UGT1A8: variants seen among roughly 807,000 people sequenced by gnomAD.
UGT1A8 encodes the protein UDP glucuronosyltransferase family 1 member A8.
UGT1A8 carries 39 observed loss-of-function variants against 45.3 expected under a neutral mutation model. That is an observed-to-expected ratio of 0.86 (90% CI 0.67 to 1.12). The LOEUF (loss-of-function observed/expected upper bound fraction) is 1.12, where lower values mean the gene tolerates loss of function less well. Among genes scored for constraint, UGT1A8 ranks in the 50% most tolerant of loss-of-function variants. UGT1A8 has a pLI of 0.00. For synonymous variants in UGT1A8, 275 were observed against 249.2 expected, an observed-to-expected ratio of 1.10 and a Z score of -0.97; for missense variants, 719 against 664.9, an observed-to-expected ratio of 1.08 and a Z score of -0.90.
At chr2:233,668,094 T>G (rs1368523655) in intron 1 of UGT1A8, among the ~76,000 whole-genome samples, 2 of 152,120 alleles carry the variant, frequency 1.3e-5, no homozygotes, top group Non-Finnish European at 2.9e-5. Context: ...CTAGGGTACA[T>G]GTGCACAACA....
intron 1 of UGT1A8, among the ~76,000 whole-genome samples, chr2:233,703,210 TAA>T (rs1353895026): frequency 1.3e-5 from 2 of 152,198 alleles, no homozygotes; most frequent in African/African-American, 4.8e-5. Flanking sequence ...CAATTTTATC[TAA>T]GTTATCTAAT....
chr2:233,691,085 A>G, intron 1 of UGT1A8: 1 of 986,138 alleles, frequency 1.0e-6, no homozygotes, highest in Non-Finnish European at 1.2e-6. Context: ...AGTTTGTAGC[A>G]TCTCTTGATC....
Position 233,618,168 on chromosome 2 carries a change from G to A in UGT1A8, c.461G>A (p.Gly154Asp). 1 of 1,613,976 alleles carries A rather than the reference G, an allele frequency of 6.2e-7. No homozygotes were observed. Among genetic ancestry groups the A allele is most frequent in the East Asian group, 2.2e-5 (1 of 44,868 alleles). The change falls in exon 1 of 5, where the codon GGC becomes GAC. Residue 154 changes from glycine (G) to aspartate (D), a missense_variant. Coordinates refer to ENST00000373450, the MANE Select transcript of UGT1A8 (RefSeq NM_019076.5). ...AVFLDPFDACGLIVAKYFSLP... is the reference protein window; with the variant it reads ...AVFLDPFDACDLIVAKYFSLP... ...TTTCTTGATCCTTTTGATGCCTGTG[G>A]CTTAATTGTTGCCAAATATTTCTCC...
chr2:233,715,390 T>C (rs1242817087), intron 1 of UGT1A8, among the ~76,000 whole-genome samples: 1 of 152,222 alleles, frequency 6.6e-6, no homozygotes, highest in African/African-American at 2.4e-5. Flanking sequence ...GCTGTTATCA[T>C]TAAATAATAA....
chr2:233,757,875 A>G (rs776201583), intron 1 of UGT1A8, among the ~76,000 whole-genome samples: 1 of 152,028 alleles, frequency 6.6e-6, no homozygotes, highest in Non-Finnish European at 1.5e-5. Flanking sequence ...AGTAGCTTCA[A>G]AAGGGTTCCA....
In UGT1A8 at chr2:233,617,784, G is replaced by T; in HGVS notation, c.77G>T (p.Gly26Val). 1 of 1,614,088 alleles carries T rather than the reference G, an allele frequency of 6.2e-7. No individual in the cohort carries two copies. The highest frequency in any genetic ancestry group is 8.5e-7 in the Non-Finnish European group (1 of 1,180,006). ...LLLTCGFAEA[G>V]KLLVVPMDGS... ...CTGACCTGTGGCTTTGCTGAGGCAG[G>T]GAAGCTGCTGGTAGTGCCCATGGAT... Residue 26 changes from glycine to valine, a missense_variant, in exon 1 of 5, where the codon GGG (glycine) becomes GTG (valine). Physicochemically the swap from Gly to Val is moderately radical, Grantham distance 109. Coordinates refer to ENST00000373450, the MANE Select transcript of UGT1A8 (RefSeq NM_019076.5).
chr2:233,666,749 T>C (rs1193004519), intron 1 of UGT1A8, among the ~76,000 whole-genome samples: 2 of 152,100 alleles, frequency 1.3e-5, no homozygotes, highest in Admixed American at 1.3e-4. Context: ...GCTGCACCCA[T>C]TAACTCGTCA....
chr2:233,760,594 G>T, intron 1 of UGT1A8: 1 of 1,614,198 alleles, frequency 6.2e-7, no homozygotes, highest in Non-Finnish European at 8.5e-7. Context: ...TTTTGAGAAT[G>T]ATTCTTTCCT....
intron 1 of UGT1A8, among the ~76,000 whole-genome samples, chr2:233,620,745 A>G (rs13400017): frequency 0.24 from 36,882 of 152,168 alleles, 4,974 homozygotes; most frequent in East Asian, 0.52. Context: ...CTTTCTGTCA[A>G]AGAGCCTTGG....
intron 1 of UGT1A8, among the ~76,000 whole-genome samples, chr2:233,636,178 G>A (rs1280267176): frequency 2.0e-5 from 3 of 150,820 alleles, no homozygotes; most frequent in African/African-American, 4.9e-5. Flanking sequence ...AAAAATATTA[G>A]CATTATTCAA....
rs993416816 is a variant in UGT1A8, at chr2:233,625,596, G to T, written c.855+7034G>T. 2.0e-5 allele frequency among the ~76,000 whole-genome samples: 3 copies of T among 151,772 alleles called. No homozygotes were observed. In the South Asian group the frequency reaches 6.2e-4, roughly 31 times the overall value. ...GAAAATGTGGTACATATACACCATGGAATATGCAGTCATAAAAAAAGAATG... is the reference window on the plus strand; with the variant it reads ...GAAAATGTGGTACATATACACCATGTAATATGCAGTCATAAAAAAAGAATG... On this transcript the variant is annotated intron_variant, in intron 1 of 4. Coordinates refer to ENST00000373450, the MANE Select transcript of UGT1A8 (RefSeq NM_019076.5).
At chr2:233,731,784 G>A (rs186887277) in intron 1 of UGT1A8, among the ~76,000 whole-genome samples, 133 of 152,162 alleles carry the variant, frequency 8.7e-4, no homozygotes, top group Non-Finnish European at 1.4e-3. Flanking sequence ...ATTTATAATC[G>A]TTTGGGTATA....
At chr2:233,704,638 TG>T (rs1478275517) in intron 1 of UGT1A8, among the ~76,000 whole-genome samples, 3 of 152,208 alleles carry the variant, frequency 2.0e-5, no homozygotes, top group Non-Finnish European at 4.4e-5. Context: ...TTAACCTTTT[TG>T]CTTATCATTT....
intron 1 of UGT1A8, chr2:233,682,902 T>C: frequency 6.7e-7 from 1 of 1,503,334 alleles, no homozygotes; most frequent in Non-Finnish European, 8.8e-7. Flanking sequence ...GGAATTTCTT[T>C]CTGGTTTAAG....
In UGT1A8 at chr2:233,753,335, C is replaced by T. The variant is rs1327117570; in HGVS notation, c.856-13699C>T. 3.9e-5 allele frequency: 6 copies of T among 151,986 alleles called. No homozygotes were observed. The East Asian group carries it at 9.6e-4, about 24-fold the overall frequency. 9.4% of individuals were successfully genotyped at this position (151,986 alleles called of 1,614,324 possible). A position where few individuals can be genotyped will look rare whatever the true frequency, so the allele number is the denominator to read the frequency against. ...CTGTGGGATGGTGCCAGCTGACTGC[C>T]ATTTTCCTGCTGTTTATTACTTGGG... On this transcript the variant is annotated intron_variant, in intron 1 of 4. Coordinates refer to ENST00000373450, the MANE Select transcript of UGT1A8 (RefSeq NM_019076.5).
At chr2:233,729,970 G>A in intron 1 of UGT1A8, 4 of 1,614,030 alleles carry the variant, frequency 2.5e-6, no homozygotes, top group Non-Finnish European at 3.4e-6. Flanking sequence ...CATCAACTGT[G>A]CCAACAGGAA....
intron 1 of UGT1A8, chr2:233,743,354 T>G (rs1575654135): frequency 1.0e-6 from 1 of 972,108 alleles, no homozygotes; most frequent in South Asian, 1.3e-5. Flanking sequence ...GACATGGACT[T>G]GAAGCTGCCT....
intron 1 of UGT1A8, among the ~76,000 whole-genome samples, chr2:233,740,331 G>GA (rs1691368430): frequency 6.6e-6 from 1 of 151,940 alleles, no homozygotes; most frequent in African/African-American, 2.4e-5. Context: ...CATTTATTGA[G>GA]AAAGTTGATG....
At chr2:233,625,407 A>G (rs1459606141) in intron 1 of UGT1A8, among the ~76,000 whole-genome samples, 1 of 152,142 alleles carries the variant, frequency 6.6e-6, no homozygotes, top group Non-Finnish European at 1.5e-5. Flanking sequence ...AAGTTAAAAC[A>G]GAACTGTCAT....
Sources: gnomAD v4.1 joint callset for allele counts (sites outside exome capture counted in the v4.1 genomes callset) on GRCh38, gnomAD v4.1.1 for gene constraint, MANE v1.5 for transcripts, NCBI Gene and HGNC (gene_info 2026-07-23, HGNC 2026-07-21) for gene names.